Variants in TTN observed in about 807,000 individuals in gnomAD.
The protein encoded by TTN is titin.
TTN carries 1,525 observed loss-of-function variants against 3,223.0 expected under a neutral mutation model. The ratio of observed to expected loss-of-function variants is 0.47; its 90% CI spans 0.45 to 0.49. The LOEUF (loss-of-function observed/expected upper bound fraction) is 0.49, where lower values mean the gene tolerates loss of function less well. Ranked by LOEUF, TTN falls within the 20% of genes least tolerant of loss-of-function variation. TTN has a pLI of 0.00. For synonymous variants in TTN, 14,094 were observed against 15,161.0 expected, an observed-to-expected ratio of 0.93 and a Z score of 5.17; for missense variants, 40,786 against 43,424.0, an observed-to-expected ratio of 0.94 and a Z score of 5.40.
chr2:178,625,647 T>A (rs2058923906), intron 240 of TTN, among the ~76,000 whole-genome samples: 1 of 151,998 alleles, frequency 6.6e-6, no homozygotes, highest in African/African-American at 2.4e-5. Flanking sequence ...TATGTATACA[T>A]GTGCCATGCT....
rs764717868 is a variant in TTN, at chr2:178,776,000, C to T, written c.5864G>A (p.Gly1955Glu). 7 of 1,614,150 alleles carry T rather than the reference C, an allele frequency of 4.3e-6. 1 individual carries two copies. The South Asian group carries it at 6.6e-5, about 15-fold the overall frequency. The change falls in exon 28 of 363, where the codon GGA becomes GAA. Residue 1955 changes from glycine to glutamate, a missense_variant. Physicochemically the swap from Gly to Glu is moderately conservative, Grantham distance 98. Transcript: ENST00000589042. ...TTTTTGTACTTCAAACTGAAGCTTTCCTGGTTCATGTACGTGAAACTCAGG... is the reference window on the plus strand; with the variant it reads ...TTTTTGTACTTCAAACTGAAGCTTTTCTGGTTCATGTACGTGAAACTCAGG... The part of the protein sequence containing the change: ...PRPEFHVHEP[G>E]KLQFEVQKVD...
At chr2:178,713,433 T>C (rs1019203606) in intron 92 of TTN, 61 bp from the exon 93 acceptor site, 8 of 1,410,328 alleles carry the variant, frequency 5.7e-6, no homozygotes, top group South Asian at 1.5e-5. Flanking sequence ...ACAACAATTA[T>C]AAAATGACTT....
At chr2:178,796,504 T>A (rs560171901) in intron 6 of TTN, among the ~76,000 whole-genome samples, 67 of 152,326 alleles carry the variant, frequency 4.4e-4, no homozygotes, top group Non-Finnish European at 6.8e-4. Flanking sequence ...GCTTTTTTTG[T>A]GTGAAAATCC....
intron 312 of TTN, 47 bp downstream of exon 312, chr2:178,583,560 C>G: frequency 6.8e-7 from 1 of 1,469,334 alleles, no homozygotes; most frequent in Non-Finnish European, 9.0e-7. Flanking sequence ...AAATGACCAT[C>G]ATGAATGCTG....
In TTN at chr2:178,535,209, G is replaced by C. The variant is rs55802460; in HGVS notation, c.101406C>G (p.Val33802=). 2.2e-3 allele frequency: 3,477 copies of C among 1,613,920 alleles called. 52 individuals carry two copies. The highest frequency in any genetic ancestry group is 0.021 in the South Asian group (1,930 of 91,082). ...AAGAGTGAGATGCTTTAGTCATGGA[G>C]ACTTCCCTGGTTTCATCTACCTCTT... ...YDEEVDETRE[V]SMTKASHSST... The change falls in exon 358 of 363, where the codon GTC becomes GTG. Residue 33802 remains valine (V), a synonymous_variant. Coordinates refer to ENST00000589042, the MANE Select transcript of TTN (RefSeq NM_001267550.2).
intron 69 of TTN, chr2:178,726,365 A>G (rs1303474530): frequency 1.5e-5 from 3 of 204,048 alleles, no homozygotes; most frequent in African/African-American, 2.3e-5. Flanking sequence ...AGCAATAAAT[A>G]ATGATTTGCA....
rs1434582972 is a variant in TTN, at chr2:178,591,028, T to C, written c.60697A>G (p.Ile20233Val). Residue 20233 changes from isoleucine to valine, a missense_variant, in exon 304 of 363, where the codon ATC becomes GTC. Transcript: ENST00000589042. ...TCACAGCCCTTCTGCAGATGTGGGA[T>C]TTTCAGCTTTGTCTTACTGCTTCCG... ...SSGSSKTKLK[I>V]PHLQKGCEYV... is the part of the protein sequence containing the mutation. 2 of 1,613,466 alleles carry C rather than the reference T, an allele frequency of 1.2e-6. No homozygotes were observed. Among genetic ancestry groups the C allele is most frequent in the Non-Finnish European group, 1.7e-6 (2 of 1,179,580 alleles).
chr2:178,627,195 C>T (rs1380890745), intron 240 of TTN, among the ~76,000 whole-genome samples: 1 of 151,732 alleles, frequency 6.6e-6, no homozygotes, highest in African/African-American at 2.4e-5. Flanking sequence ...TTATCAAATG[C>T]CATTTGGAAC....
At chr2:178,789,157 G>A (rs2154353219) in intron 13 of TTN, among the ~76,000 whole-genome samples, 1 of 152,168 alleles carries the variant, frequency 6.6e-6, no homozygotes, top group South Asian at 2.1e-4. Context: ...AGTGGAGAAA[G>A]GGATATGTAG....
Position 178,552,313 on chromosome 2 carries a change from T to G in TTN, c.90587A>C (p.Lys30196Thr). Residue 30196 changes from lysine to threonine, a missense_variant, in exon 335 of 363, where the codon AAG becomes ACG. Physicochemically the swap from Lys to Thr is moderately conservative, Grantham distance 78 (BLOSUM62 -1). Coordinates refer to ENST00000589042, the MANE Select transcript of TTN (RefSeq NM_001267550.2). ...AACAGTGTATTTTCCTCCATGCTCC[T>G]TCTTGGCATTCTTAATACTCAAAGT... ...KITLSIKNAK[K>T]EHGGKYTVIL... is the part of the protein sequence containing the mutation. 6.2e-7 allele frequency: 1 copy of G among 1,610,716 alleles called. No individual in the cohort carries two copies.
rs376978126 is a variant in TTN, at chr2:178,576,711, C to A, written c.69533G>T (p.Arg23178Met). The change falls in exon 325 of 363, where the codon AGG becomes ATG. Residue 23178 changes from arginine (R) to methionine (M), a missense_variant. Coordinates refer to ENST00000589042, the MANE Select transcript of TTN (RefSeq NM_001267550.2). The surrounding 1 kb of genome is among the most constrained non-coding windows in gnomAD (Gnocchi z 4.3). ...CCATCGCAGGCTTTTCTTTTCTCTC[C>A]TTTCTACATGATATCCTGTAATTTC... ...GSEITGYHVE[R>M]REKKSLRWVR... The A allele has an allele frequency of 2.2e-5, 36 of 1,613,390 alleles. No individual in the cohort carries two copies. The highest frequency in any genetic ancestry group is 3.0e-5 in the Non-Finnish European group (35 of 1,179,610).
intron 121 of TTN, among the ~76,000 whole-genome samples, chr2:178,691,229 G>C: frequency 6.6e-6 from 1 of 152,114 alleles, no homozygotes; most frequent in East Asian, 1.9e-4. Flanking sequence ...TCCTAAATTG[G>C]ATAATGTTGA....
intron 309 of TTN, 49 bp from the exon 310 acceptor site, chr2:178,585,017 A>T: frequency 6.2e-7 from 1 of 1,605,046 alleles, no homozygotes; most frequent in South Asian, 1.1e-5. Flanking sequence ...TTTGATACGT[A>T]AAAATATTTC....
chr2:178,607,962 G>T lies in TTN; in HGVS notation c.52825C>A (p.Gln17609Lys). ...GEIVGYFVDK[Q>K]LVGTNEWSRC... The stretch of plus-strand genomic sequence containing the variant: ...GACCATTCATTTGTGCCAACCAACT[G>T]CTTATCAACAAAATAGCCAACAATT... Residue 17609 changes from glutamine (Q) to lysine (K), a missense_variant, in exon 276 of 363, where the codon CAG (glutamine) becomes AAG (lysine). Coordinates refer to ENST00000589042, the MANE Select transcript of TTN (RefSeq NM_001267550.2). 6.2e-7 allele frequency: 1 copy of T among 1,612,918 alleles called. No homozygotes were observed. Among genetic ancestry groups the T allele is most frequent in the Non-Finnish European group, 8.5e-7 (1 of 1,179,310 alleles).
In TTN at chr2:178,561,062, A is replaced by G. The variant is rs1324126380; in HGVS notation, c.85070T>C (p.Val28357Ala). The G allele has an allele frequency of 6.2e-7, 1 of 1,613,722 alleles. No homozygotes were observed. Among genetic ancestry groups the G allele is most frequent in the Non-Finnish European group, 8.5e-7 (1 of 1,179,774 alleles). The change falls in exon 326 of 363, where the codon GTT becomes GCT. Residue 28357 changes from valine to alanine, a missense_variant. Val to Ala is a moderately conservative substitution (Grantham distance 64). Transcript: ENST00000589042. Reference sequence around the variant, plus strand: ...GTCTCGGAACTTGACATCCATCATAACTCTTGGAGGCTCAACATCATCTTT... The same window carrying G: ...GTCTCGGAACTTGACATCCATCATAGCTCTTGGAGGCTCAACATCATCTTT... Reference protein sequence around the residue: ...IVKDDVEPPRVMMDVKFRDVI... With the variant: ...IVKDDVEPPRAMMDVKFRDVI...
At chr2:178,672,345 TA>T in intron 154 of TTN, 61 bp downstream of exon 154, 6 of 1,599,120 alleles carry the variant, frequency 3.8e-6, no homozygotes, top group Non-Finnish European at 5.1e-6. Flanking sequence ...TATATATTTT[TA>T]AAACTGAATA....
At position 178,588,600 on chromosome 2, in the gene TTN, T is replaced by C; in HGVS notation, c.63125A>G (p.Asn21042Ser). Residue 21042 changes from asparagine to serine, a missense_variant, in exon 304 of 363, where the codon AAT becomes AGT. Asn to Ser is a conservative substitution (Grantham distance 46). Transcript: ENST00000589042. ...HEYQFRVKAE[N>S]EIGIGEPSLP... ...GCTTGGTTCTCCAATTCCAATTTCA[T>C]TTTCTGCCTTGACACGGAACTGATA... 1.3e-6 allele frequency: 2 copies of C among 1,564,446 alleles called. No individual in the cohort carries two copies. Among genetic ancestry groups the C allele is most frequent in the Non-Finnish European group, 1.7e-6 (2 of 1,156,660 alleles).
intron 33 of TTN, chr2:178,772,816 C>T (rs2154344211): frequency 4.9e-6 from 2 of 409,982 alleles, no homozygotes; most frequent in Middle Eastern, 7.0e-4. Context: ...GCATAATAAA[C>T]ACTAGGAAAG....
chr2:178,667,957 A>C (rs2066272875), intron 159 of TTN, among the ~76,000 whole-genome samples: 1 of 152,146 alleles, frequency 6.6e-6, no homozygotes, highest in African/African-American at 2.4e-5. Flanking sequence ...TGTTCAGGCA[A>C]GGACTATATA....
Sources: allele counts gnomAD v4.1 joint callset (sites outside exome capture counted in the v4.1 genomes callset), GRCh38; gene constraint gnomAD v4.1.1; non-coding constraint Gnocchi (gnomAD v3.1); transcripts MANE v1.5; gene names NCBI Gene and HGNC (gene_info 2026-07-23, HGNC 2026-07-21).